Variants in FRMD4A observed in about 807,000 individuals in gnomAD.
The protein encoded by FRMD4A is FERM domain containing 4A.
Under a neutral mutation model 129.1 loss-of-function variants are expected in FRMD4A, and 29 were observed. That is an observed-to-expected ratio of 0.22 (90% CI 0.17 to 0.31). The LOEUF is 0.31. FRMD4A is among the 10% of genes least tolerant of loss of function. The pLI is 1.00. For missense variants in FRMD4A, 1,272 were observed against 1,375.8 expected, an observed-to-expected ratio of 0.92 and a Z score of 1.19; for synonymous variants, 634 against 571.6, an observed-to-expected ratio of 1.11 and a Z score of -1.56.
chr10:13,982,991 G>A (rs7095584), intron 2 of FRMD4A, among the ~76,000 whole-genome samples: 67,087 of 151,932 alleles, frequency 0.44, 18,024 homozygotes, highest in Non-Finnish European at 0.62. Context: ...TTTTGAGATG[G>A]GGTCTGGCTC....
rs57029013 is a variant in FRMD4A at position 14,206,809 on chromosome 10, C to CAAAAAAAAAAAAAAAAAAA, written c.45+123248_45+123249insTTTTTTTTTTTTTTTTTTT. Among the ~76,000 whole-genome samples the CAAAAAAAAAAAAAAAAAAA allele has an allele frequency of 8.8e-4, 38 of 43,002 alleles. 1 individual carries two copies. The highest frequency in any genetic ancestry group is 9.6e-4 in the African/African-American group (9 of 9,368). The allele number at this position is 43,002 out of a possible 152,430, so 28.2% of individuals were successfully genotyped here. ...TGGATGACAGAGTGAGACGCTATCTCAAAAAAAAAAAAGAGAGACAGAGAA... is the reference window on the plus strand; with the variant it reads ...TGGATGACAGAGTGAGACGCTATCTCAAAAAAAAAAAAAAAAAAAAAAAAAAAAAAAGAGAGACAGAGAA... On this transcript the variant is annotated intron_variant, in intron 2 of 24. Transcript: ENST00000357447.
At chr10:14,096,426 T>C (rs554205864) in intron 2 of FRMD4A, among the ~76,000 whole-genome samples, 22 of 152,354 alleles carry the variant, frequency 1.4e-4, no homozygotes, top group African/African-American at 5.3e-4. Flanking sequence ...AATTGACTTC[T>C]TTCCCTGGCA....
chr10:14,265,503 A>G (rs1844947241), intron 2 of FRMD4A, among the ~76,000 whole-genome samples: 1 of 152,246 alleles, frequency 6.6e-6, no homozygotes, highest in African/African-American at 2.4e-5. Context: ...AAAGTAAATC[A>G]TATGAATTTT....
chr10:13,851,281 C>T (rs1310479848), intron 3 of FRMD4A, among the ~76,000 whole-genome samples: 3 of 152,230 alleles, frequency 2.0e-5, no homozygotes, highest in Non-Finnish European at 2.9e-5. Context: ...TTGTGCCAAA[C>T]ATCCAGTATT....
intron 2 of FRMD4A, among the ~76,000 whole-genome samples, chr10:13,954,479 A>T (rs1394907490): frequency 6.6e-6 from 1 of 152,170 alleles, no homozygotes; most frequent in Non-Finnish European, 1.5e-5. Context: ...CCCATGATTC[A>T]ATAACCTCCC....
At chr10:13,943,646 C>CAAAAAAAAAAAAAAAAAAAAAAAAA (rs55774636) in intron 2 of FRMD4A, among the ~76,000 whole-genome samples, 5 of 58,268 alleles carry the variant, frequency 8.6e-5, no homozygotes, top group Admixed American at 2.7e-4. Flanking sequence ...GACTCTGTCT[C>CAAAAAAAAAAAAAAAAAAAAAAAAA]AAAAAAAAAA....
intron 2 of FRMD4A, among the ~76,000 whole-genome samples, chr10:14,019,991 G>A (rs921315788): frequency 5.3e-5 from 8 of 152,104 alleles, no homozygotes; most frequent in Admixed American, 2.0e-4. Flanking sequence ...GGTATGCCTC[G>A]GAGAGAAGCA....
intron 2 of FRMD4A, among the ~76,000 whole-genome samples, chr10:14,244,818 G>A (rs1844176116): frequency 6.6e-6 from 1 of 152,180 alleles, no homozygotes; most frequent in Non-Finnish European, 1.5e-5. Context: ...TCTTTCCGCA[G>A]TAATACTGAG....
intron 2 of FRMD4A, among the ~76,000 whole-genome samples, chr10:13,889,488 AG>A (rs1329273543): frequency 6.6e-6 from 1 of 152,202 alleles, no homozygotes; most frequent in African/African-American, 2.4e-5. Flanking sequence ...CTGAACCTCA[AG>A]GGGTCTCAGT....
intron 2 of FRMD4A, among the ~76,000 whole-genome samples, chr10:14,071,959 C>T (rs1835339317): frequency 6.6e-6 from 1 of 152,124 alleles, no homozygotes; most frequent in Non-Finnish European, 1.5e-5. Flanking sequence ...AATTCTGTGA[C>T]TTTACTACAA....
chr10:13,707,158 C>T, intron 12 of FRMD4A, 45 bp from the exon 13 acceptor site: 1 of 1,086,518 alleles, frequency 9.2e-7, no homozygotes, highest in Non-Finnish European at 1.4e-6. Context: ...GGGGCTGGCT[C>T]CTGGGCCATC....
intron 8 of FRMD4A, among the ~76,000 whole-genome samples, chr10:13,759,282 C>G (rs1175481357): frequency 6.6e-6 from 1 of 152,200 alleles, no homozygotes; most frequent in East Asian, 1.9e-4. Context: ...GGAGCACAAC[C>G]CGGATCCTTT....
chr10:13,949,643 C>G (rs1179831436), intron 2 of FRMD4A, among the ~76,000 whole-genome samples: 3 of 152,154 alleles, frequency 2.0e-5, no homozygotes, highest in Non-Finnish European at 2.9e-5. Context: ...TTTTGTAAGA[C>G]CCTTTATGAC....
chr10:13,741,615 T>A (rs1214238759), intron 9 of FRMD4A, among the ~76,000 whole-genome samples: 1 of 152,184 alleles, frequency 6.6e-6, no homozygotes, highest in Non-Finnish European at 1.5e-5. Context: ...TTCCCAGTCC[T>A]GTTCACACAG....
chr10:14,329,940 G>T, intron 2 of FRMD4A, 118 bp downstream of exon 2: 1 of 924,682 alleles, frequency 1.1e-6, no homozygotes, highest in South Asian at 1.4e-5. Context: ...GAGCCTGCGG[G>T]ATAAAGCGGA....
In FRMD4A at chr10:13,689,422, G is replaced by T. The variant is rs74343786; in HGVS notation, c.1117+4476C>A. On this transcript the variant is annotated intron_variant, in intron 15 of 24. Coordinates refer to ENST00000357447, the MANE Select transcript of FRMD4A (RefSeq NM_018027.5). ...ACACTGACGTGACACAAACTTTAAA[G>T]GTCTCATACCAGTGTGACAAAGGCT... Among the ~76,000 whole-genome samples, 1,122 of 151,984 alleles carry T rather than the reference G, an allele frequency of 7.4e-3. 22 individuals are homozygous for T. In the East Asian group the frequency reaches 0.076, roughly 10 times the overall value.
intron 3 of FRMD4A, among the ~76,000 whole-genome samples, chr10:13,847,818 C>T (rs933547207): frequency 2.6e-5 from 4 of 152,166 alleles, no homozygotes; most frequent in African/African-American, 9.7e-5. Context: ...CCCAAATAAA[C>T]GGATGCTTAG....
chr10:13,707,556 G>GA, intron 12 of FRMD4A: 1 of 998,530 alleles, frequency 1.0e-6, no homozygotes, highest in Admixed American at 5.3e-5. Context: ...CATCTGCGTG[G>GA]AGTGCTGAAC....
chr10:13,940,689 G>A (rs1387752326), intron 2 of FRMD4A, among the ~76,000 whole-genome samples: 2 of 152,172 alleles, frequency 1.3e-5, no homozygotes, highest in African/African-American at 2.4e-5. Context: ...AGGCTGACCC[G>A]GGTAGTGATG....
Sources: gnomAD v4.1 joint callset for allele counts (sites outside exome capture counted in the v4.1 genomes callset) on GRCh38, gnomAD v4.1.1 for gene constraint, MANE v1.5 for transcripts, NCBI Gene and HGNC (gene_info 2026-07-23, HGNC 2026-07-21) for gene names.